The following PLXNA2 variants were observed in gnomAD, a reference collection of about 807,000 sequenced individuals.
PLXNA2 encodes the protein plexin A2.
In PLXNA2, 91 loss-of-function variants were observed where a neutral mutation model predicts 193.5. The ratio of observed to expected loss-of-function variants is 0.47; its 90% confidence interval spans 0.40 to 0.56. PLXNA2 has a LOEUF of 0.56. Among genes scored for constraint, PLXNA2 ranks in the 20% least tolerant of loss-of-function variants. The probability of loss-of-function intolerance (pLI) is 0.00; values close to 1 mark genes in which losing one functional copy is unlikely to be tolerated. For missense variants in PLXNA2, 1,995 were observed against 2,503.2 expected, an observed-to-expected ratio of 0.80 and a Z score of 4.33; for synonymous variants, 997 against 1,027.3, an observed-to-expected ratio of 0.97 and a Z score of 0.56.
At chr1:208,124,426 C>T (rs1667900977) in intron 4 of PLXNA2, among the ~76,000 whole-genome samples, 1 of 150,860 alleles carries the variant, frequency 6.6e-6, no homozygotes, top group Non-Finnish European at 1.5e-5. Flanking sequence ...CGTCTGTAAT[C>T]CCAGCACTTT....
At chr1:208,030,365 C>G in intron 29 of PLXNA2, 1 of 985,716 alleles carries the variant, frequency 1.0e-6, no homozygotes, top group South Asian at 4.7e-5. Flanking sequence ...TGCGGATAAC[C>G]CTGGACTTTC....
intron 3 of PLXNA2, among the ~76,000 whole-genome samples, chr1:208,183,099 G>T (rs764113362): frequency 1.1e-4 from 17 of 152,312 alleles, no homozygotes; most frequent in African/African-American, 3.6e-4. Context: ...CTCCCCCTTC[G>T]TCTAGGGGAG....
chr1:208,179,123 G>A (rs997896079), intron 3 of PLXNA2, among the ~76,000 whole-genome samples: 1 of 152,182 alleles, frequency 6.6e-6, no homozygotes, highest in African/African-American at 2.4e-5. Context: ...AGGCCCTGTG[G>A]GTGGTTATGG....
chr1:208,161,964 G>T (rs1329377255), intron 3 of PLXNA2, among the ~76,000 whole-genome samples: 1 of 152,224 alleles, frequency 6.6e-6, no homozygotes, highest in Non-Finnish European at 1.5e-5. Flanking sequence ...TGCCTGGCAG[G>T]GTAGGTGCTG....
intron 9 of PLXNA2, among the ~76,000 whole-genome samples, chr1:208,087,707 G>C (rs1362266788): frequency 6.6e-6 from 1 of 152,148 alleles, no homozygotes; most frequent in East Asian, 1.9e-4. Flanking sequence ...TGGGTTATGA[G>C]ATGATTCTGG....
chr1:208,085,031 G>C (rs941078426), intron 9 of PLXNA2, among the ~76,000 whole-genome samples: 1 of 151,244 alleles, frequency 6.6e-6, no homozygotes, highest in Admixed American at 6.6e-5. Context: ...ACTGAGCTAG[G>C]CTTTCCAGAA....
chr1:208,175,061 G>A (rs1344126310), intron 3 of PLXNA2, among the ~76,000 whole-genome samples: 1 of 152,154 alleles, frequency 6.6e-6, no homozygotes, highest in East Asian at 1.9e-4. Flanking sequence ...GTGGCTCGTG[G>A]GAGCTCCTGT....
rs987573329 is a variant in PLXNA2, at chr1:208,031,670, G to A, written c.5145C>T (p.Tyr1715=). The change falls in exon 29 of 32, where the codon TAC becomes TAT. Residue 1715 remains tyrosine (Y), a synonymous_variant. Coordinates refer to ENST00000367033, the MANE Select transcript of PLXNA2 (RefSeq NM_025179.4). ...RGSALPLAIK[Y]MFDFLDEQAD... ...CCTGCTCATCTAGGAAATCAAACATGTACTTGATGGCCAGGGGGAGAGCGC... is the reference window on the plus strand; with the variant it reads ...CCTGCTCATCTAGGAAATCAAACATATACTTGATGGCCAGGGGGAGAGCGC... The A allele has an allele frequency of 1.9e-6, 3 of 1,613,628 alleles. No homozygotes were observed. The highest frequency in any genetic ancestry group is 2.5e-6 in the Non-Finnish European group (3 of 1,179,930).
In PLXNA2 at chr1:208,024,192, C is replaced by T. The variant is rs1252425366; in HGVS notation, c.*3051G>A. On this transcript the variant is annotated 3_prime_UTR_variant, in exon 32 of 32. Coordinates refer to ENST00000367033, the MANE Select transcript of PLXNA2 (RefSeq NM_025179.4). ...AAGCTGGATAGACTTTGGAGAGAGA[C>T]TTCCCTCTCTGCCTCCCCCAAGATG... 1 of 152,262 alleles carries T rather than the reference C, an allele frequency of 6.6e-6. No homozygotes were observed. The highest frequency in any genetic ancestry group is 1.9e-4 in the East Asian group (1 of 5,186). The allele number at this position is 152,262 out of a possible 1,614,324, so 9.4% of individuals were successfully genotyped here.
At chr1:208,182,067 C>CAG (rs1669860251) in intron 3 of PLXNA2, among the ~76,000 whole-genome samples, 1 of 151,498 alleles carries the variant, frequency 6.6e-6, no homozygotes, top group Non-Finnish European at 1.5e-5. Flanking sequence ...CAGCTCAGCT[C>CAG]CAGAGCTTAG....
At chr1:208,099,120 G>T in intron 5 of PLXNA2, 151 bp from the exon 6 acceptor site, 1 of 888,656 alleles carries the variant, frequency 1.1e-6, no homozygotes. Context: ...GGGCCTTGGT[G>T]ACTCTCAGAC....
At chr1:208,123,685 C>T (rs988796278) in intron 4 of PLXNA2, among the ~76,000 whole-genome samples, 1 of 152,204 alleles carries the variant, frequency 6.6e-6, no homozygotes, top group Non-Finnish European at 1.5e-5. Context: ...TGACTCTCCT[C>T]TAATGGTTAT....
At chr1:208,142,558 A>G (rs1032841178) in intron 3 of PLXNA2, 95 bp from the exon 4 acceptor site, 6 of 1,248,076 alleles carry the variant, frequency 4.8e-6, no homozygotes, top group African/African-American at 4.5e-5. Flanking sequence ...ACAGAAGACC[A>G]TTGCTAACCC....
In PLXNA2 at chr1:208,023,026, G is replaced by A. The variant is rs1265513410; in HGVS notation, c.*4217C>T. ...CAGATACTAAAACGTCACACTTCAG[G>A]GAAACTAGGGAAGAGAGACTGAGTT... On this transcript the variant is annotated 3_prime_UTR_variant, in exon 32 of 32. Coordinates refer to ENST00000367033, the MANE Select transcript of PLXNA2 (RefSeq NM_025179.4). 6.6e-6 allele frequency: 1 copy of A among 152,082 alleles called. No homozygotes were observed. Among genetic ancestry groups the A allele is most frequent in the Non-Finnish European group, 1.5e-5 (1 of 68,018 alleles). The allele number at this position is 152,082 out of a possible 1,614,324, so 9.4% of individuals were successfully genotyped here. A position where few individuals can be genotyped will look rare whatever the true frequency, so the allele number is the denominator to read the frequency against.
Position 208,082,304 on chromosome 1 carries a change from G to T in PLXNA2, c.2395+108C>A. On this transcript the variant is annotated intron_variant, in intron 11 of 31. Coordinates refer to ENST00000367033, the MANE Select transcript of PLXNA2 (RefSeq NM_025179.4). The surrounding 1 kb of genome is among the most constrained non-coding windows in gnomAD (Gnocchi z 4.2). ...CCTCTGAAGAGTTCCGCCGACAGAG[G>T]GAGTGTATTATTCATGGCACAGCGG... is the stretch of plus-strand genomic sequence containing the variant. The T allele has an allele frequency of 1.2e-6, 1 of 804,806 alleles. No homozygotes were observed. 49.9% of individuals were successfully genotyped at this position (804,806 alleles called of 1,614,324 possible). A position where few individuals can be genotyped will look rare whatever the true frequency, so the allele number is the denominator to read the frequency against.
At chr1:208,222,051 T>C (rs1188118898) in intron 1 of PLXNA2, among the ~76,000 whole-genome samples, 1 of 152,230 alleles carries the variant, frequency 6.6e-6, no homozygotes, top group East Asian at 1.9e-4. Context: ...CATTAGCCTT[T>C]GTTATTAGCA....
In PLXNA2 at chr1:208,152,836, TCTTCACGCCTTTGCTTG is replaced by T. The variant is rs1558218351; in HGVS notation, c.1372-10390_1372-10374del. Among the ~76,000 whole-genome samples, 175 of 151,656 alleles carry T rather than the reference TCTTCACGCCTTTGCTTG, an allele frequency of 1.2e-3. 1 individual carries two copies. The highest frequency in any genetic ancestry group is 4.1e-3 in the African/African-American group (170 of 41,256). On this transcript the variant is annotated intron_variant, in intron 3 of 31. Coordinates refer to ENST00000367033, the MANE Select transcript of PLXNA2 (RefSeq NM_025179.4). ...TCCAATTGCATCCCCAGCTTTTTCG[TCTTCACGCCTTTGCTTG>T]ACAATTTATTCTACCTCCTAGATCC...
rs190883042 is a variant in PLXNA2, at chr1:208,154,216, C to G, written c.1372-11753G>C. ...CCACAGCTGCTGGGCAGAGTGCCAG[C>G]GTGAAGACTCTGCTGGTGCTGGGTA... On this transcript the variant is annotated intron_variant, in intron 3 of 31. Transcript: ENST00000367033. 5.1e-5 allele frequency among the ~76,000 whole-genome samples: 7 copies of G among 137,602 alleles called. 1 individual carries two copies. Among genetic ancestry groups the G allele is most frequent in the African/African-American group, 1.7e-4 (7 of 40,524 alleles). 90.3% of individuals were successfully genotyped at this position (137,602 alleles called of 152,430 possible).
At chr1:208,143,208 G>A (rs1340571537) in intron 3 of PLXNA2, among the ~76,000 whole-genome samples, 1 of 152,220 alleles carries the variant, frequency 6.6e-6, no homozygotes, top group Admixed American at 6.5e-5. Flanking sequence ...TGGGGCCCAG[G>A]CATCTTCTTC....
Sources: allele counts gnomAD v4.1 joint callset (sites outside exome capture counted in the v4.1 genomes callset), GRCh38; gene constraint gnomAD v4.1.1; non-coding constraint Gnocchi (gnomAD v3.1); transcripts MANE v1.5; gene names NCBI Gene and HGNC (gene_info 2026-07-23, HGNC 2026-07-21).